TNFRSF10D: variants seen among roughly 807,000 people sequenced by gnomAD.
TNFRSF10D encodes the protein TNF receptor superfamily member 10d, also known as tumor necrosis factor receptor superfamily member 10D.
Under a neutral mutation model 42.1 loss-of-function variants are expected in TNFRSF10D, and 28 were observed. The observed-to-expected ratio is 0.66, with a 90% CI of 0.49 to 0.91. The LOEUF is 0.91. TNFRSF10D is among the 40% of genes least tolerant of loss of function. The pLI is 0.00. For missense variants in TNFRSF10D, 503 were observed against 486.1 expected, an observed-to-expected ratio of 1.03 and a Z score of -0.33; for synonymous variants, 186 against 189.4, an observed-to-expected ratio of 0.98 and a Z score of 0.15.
intron 1 of TNFRSF10D, among the ~76,000 whole-genome samples, chr8:23,155,704 AAAAAAAC>A (rs564780193): frequency 1.4e-3 from 214 of 152,062 alleles, no homozygotes; most frequent in African/African-American, 4.7e-3. Context: ...TGTCTCAAAA[AAAAAAAC>A]AAAAAACAAA....
chr8:23,157,073 C>T (rs912582517), intron 1 of TNFRSF10D, among the ~76,000 whole-genome samples: 2 of 152,014 alleles, frequency 1.3e-5, no homozygotes, highest in African/African-American at 4.8e-5. Flanking sequence ...ATAATTCACC[C>T]ATTTAGTCTA....
chr8:23,151,062 A>G (rs1384298857), intron 2 of TNFRSF10D, among the ~76,000 whole-genome samples: 1 of 150,294 alleles, frequency 6.7e-6, no homozygotes, highest in African/African-American at 2.5e-5. Flanking sequence ...CATGAAGCCC[A>G]AAAAACCCCT....
chr8:23,136,257 G>T lies in TNFRSF10D; in HGVS notation c.*1613C>A. The stretch of plus-strand genomic sequence containing the variant: ...AATAAAATAATGGAACGTGACACAA[G>T]GACAAATGTGTCAGCCATTTTAGAT... On this transcript the variant is annotated 3_prime_UTR_variant, in exon 9 of 9. Coordinates refer to ENST00000312584, the MANE Select transcript of TNFRSF10D (RefSeq NM_003840.5). 4.2e-6 allele frequency: 1 copy of T among 239,256 alleles called. No homozygotes were observed. Among genetic ancestry groups the T allele is most frequent in the Non-Finnish European group, 8.3e-6 (1 of 119,912 alleles). 14.8% of individuals were successfully genotyped at this position (239,256 alleles called of 1,614,324 possible).
In TNFRSF10D at chr8:23,148,538, T is replaced by C. The variant is rs1415657927; in HGVS notation, c.270A>G (p.Ser90=). 5 of 1,607,982 alleles carry C rather than the reference T, an allele frequency of 3.1e-6. No homozygotes were observed. Among genetic ancestry groups the C allele is most frequent in the Non-Finnish European group, 4.3e-6 (5 of 1,175,944 alleles). The change falls in exon 3 of 9, where the codon TCA becomes TCG. Residue 90 remains serine (S), a synonymous_variant. Transcript: ENST00000312584. ...ACGGGTTACAGGCTCCAGTATATTCTGATCTATGAGATCCTGGGAAGGGAG... is the reference window on the plus strand; with the variant it reads ...ACGGGTTACAGGCTCCAGTATATTCCGATCTATGAGATCCTGGGAAGGGAG... ...EEECPAGSHR[S]EYTGACNPCT...
At chr8:23,144,673 G>A (rs763655762) in intron 6 of TNFRSF10D, 38 bp from the exon 7 acceptor site, 58 of 1,594,770 alleles carry the variant, frequency 3.6e-5, no homozygotes, top group East Asian at 4.5e-5. Context: ...TCCACACCCC[G>A]GGCTCAGCTT....
rs377557941 is a variant in TNFRSF10D, at chr8:23,147,033, G to A, written c.410C>T (p.Thr137Ile). Residue 137 changes from threonine (T) to isoleucine (I), a missense_variant, in exon 4 of 9, where the codon ACC becomes ATC. Physicochemically the swap from Thr to Ile is moderately conservative, Grantham distance 89. Coordinates refer to ENST00000312584, the MANE Select transcript of TNFRSF10D (RefSeq NM_003840.5). ...GCTTCCTTTTTCACACTGACACACG[G>A]TGTCTCTGGTCGTGGTACAGGAACT... Reference protein sequence around the residue: ...NKSSCTTTRDTVCQCEKGSFQ... With the variant: ...NKSSCTTTRDIVCQCEKGSFQ... 2.7e-5 allele frequency: 44 copies of A among 1,613,736 alleles called. No homozygotes were observed. Among genetic ancestry groups the A allele is most frequent in the South Asian group, 1.8e-4 (16 of 91,074 alleles).
At chr8:23,142,392 TA>T (rs1800040712) in intron 7 of TNFRSF10D, among the ~76,000 whole-genome samples, 1 of 152,186 alleles carries the variant, frequency 6.6e-6, no homozygotes, top group African/African-American at 2.4e-5. Context: ...GTGGCATATA[TA>T]CACCATAGGT....
rs267601856 is a variant in TNFRSF10D, at chr8:23,145,872, T to A, written c.532A>T (p.Ile178Phe). The stretch of plus-strand genomic sequence containing the variant: ...GCAGCTGATTCATTTTTGCACTTGA[T>A]GTCACTCCGGGGCGTACAATTACTG... ...KVSNCTPRSD[I>F]KCKNESAASS... is the part of the protein sequence containing the mutation. The change falls in exon 5 of 9, where the codon ATC becomes TTC. Residue 178 changes from isoleucine to phenylalanine, a missense_variant. Ile to Phe is a conservative substitution (Grantham distance 21). Coordinates refer to ENST00000312584, the MANE Select transcript of TNFRSF10D (RefSeq NM_003840.5). The A allele has an allele frequency of 6.2e-7, 1 of 1,614,080 alleles. No homozygotes were observed. The highest frequency in any genetic ancestry group is 8.5e-7 in the Non-Finnish European group (1 of 1,180,044).
intron 2 of TNFRSF10D, among the ~76,000 whole-genome samples, chr8:23,153,778 G>A (rs1371340817): frequency 6.6e-6 from 1 of 152,178 alleles, no homozygotes; most frequent in Non-Finnish European, 1.5e-5. Flanking sequence ...GGTGGGAATG[G>A]AGATTAGTAC....
intron 2 of TNFRSF10D, among the ~76,000 whole-genome samples, chr8:23,154,210 T>C (rs115698583): frequency 6.2e-3 from 938 of 152,220 alleles, no homozygotes; most frequent in African/African-American, 0.019. Flanking sequence ...ACCAGCGCTG[T>C]ATTTGCACGG....
At chr8:23,148,065 C>A (rs11774862) in intron 3 of TNFRSF10D, among the ~76,000 whole-genome samples, 63,651 of 87,464 alleles carry the variant, frequency 0.73, 25,465 homozygotes, top group African/African-American at 0.91. Flanking sequence ...ACTCCGTCTC[C>A]CAAAAAAAAA....
At position 23,153,639 on chromosome 8, in the gene TNFRSF10D, TC is replaced by T. The variant is rs1486288231; in HGVS notation, c.256+1234del. On this transcript the variant is annotated intron_variant, in intron 2 of 8. Coordinates refer to ENST00000312584, the MANE Select transcript of TNFRSF10D (RefSeq NM_003840.5). ...TGAAAAAAATGCTCAACATCACTAATCAGGGAAATGCAAATCAAAACCACAA... is the reference window on the plus strand; with the variant it reads ...TGAAAAAAATGCTCAACATCACTAATAGGGAAATGCAAATCAAAACCACAA... Among the ~76,000 whole-genome samples the T allele has an allele frequency of 2.0e-5, 3 of 151,860 alleles. No homozygotes were observed. The East Asian group carries it at 5.8e-4, about 29-fold the overall frequency.
At chr8:23,145,614 G>T (rs1800107402) in intron 5 of TNFRSF10D, 54 bp downstream of exon 5, 1 of 1,609,982 alleles carries the variant, frequency 6.2e-7, no homozygotes, top group South Asian at 1.1e-5. Flanking sequence ...GGAACGGAGT[G>T]GGAGAGGGCA....
In TNFRSF10D at chr8:23,155,074, C is replaced by T. The variant is rs937860627; in HGVS notation, c.151-95G>A. On this transcript the variant is annotated intron_variant, in intron 1 of 8. Transcript: ENST00000312584. The stretch of plus-strand genomic sequence containing the variant: ...TTCCCTTCACCCCAAGTGACAAAAC[C>T]CATGAGAGCCTGGACTTTTTTCCCA... 2.9e-5 allele frequency: 28 copies of T among 972,728 alleles called. No individual in the cohort carries two copies. The Admixed American group carries it at 3.5e-4, about 12-fold the overall frequency. 60.3% of individuals were successfully genotyped at this position (972,728 alleles called of 1,614,324 possible).
intron 7 of TNFRSF10D, among the ~76,000 whole-genome samples, chr8:23,141,762 A>T (rs1413928284): frequency 1.3e-5 from 2 of 152,200 alleles, no homozygotes; most frequent in African/African-American, 4.8e-5. Flanking sequence ...TCAAAACTAC[A>T]GTGGGATACC....
At chr8:23,154,276 TA>T (rs1311996610) in intron 2 of TNFRSF10D, among the ~76,000 whole-genome samples, 1 of 152,162 alleles carries the variant, frequency 6.6e-6, no homozygotes, top group Non-Finnish European at 1.5e-5. Flanking sequence ...CAGGGGGAAA[TA>T]AATTCAAGAG....
chr8:23,154,590 G>A (rs1424175729), intron 2 of TNFRSF10D, among the ~76,000 whole-genome samples: 1 of 151,776 alleles, frequency 6.6e-6, no homozygotes, highest in African/African-American at 2.4e-5. Flanking sequence ...ATCTGTGTTG[G>A]TTGCAACCAC....
chr8:23,156,846 C>T (rs184394987), intron 1 of TNFRSF10D, among the ~76,000 whole-genome samples: 1 of 152,170 alleles, frequency 6.6e-6, no homozygotes, highest in Non-Finnish European at 1.5e-5. Flanking sequence ...GGATTACAGG[C>T]GTAAGCCACC....
intron 2 of TNFRSF10D, among the ~76,000 whole-genome samples, chr8:23,149,392 C>T (rs192749543): frequency 1.3e-5 from 2 of 151,446 alleles, no homozygotes; most frequent in African/African-American, 4.8e-5. Flanking sequence ...CACCCACCAC[C>T]ACGCCCAGCT....
Sources: allele counts gnomAD v4.1 joint callset (sites outside exome capture counted in the v4.1 genomes callset), GRCh38; gene constraint gnomAD v4.1.1; transcripts MANE v1.5; gene names NCBI Gene and HGNC (gene_info 2026-07-23, HGNC 2026-07-21).